Variants in E2F3 observed in about 807,000 individuals in gnomAD.
E2F3 encodes the protein transcription factor E2F3.
In E2F3, 11 loss-of-function variants were observed where a neutral mutation model predicts 44.4. The ratio of observed to expected loss-of-function variants is 0.25; its 90% confidence interval spans 0.16 to 0.41. The LOEUF (loss-of-function observed/expected upper bound fraction) is 0.41, where lower values mean the gene tolerates loss of function less well. Ranked by LOEUF, E2F3 falls within the 10% of genes least tolerant of loss-of-function variation. The pLI, the probability that E2F3 is intolerant of heterozygous loss-of-function variation, is 1.00. For missense variants in E2F3, 487 were observed against 583.6 expected (o/e 0.83, Z 1.70); for synonymous variants, 249 against 253.0 (o/e 0.98, Z 0.15).
intron 1 of E2F3, among the ~76,000 whole-genome samples, chr6:20,416,165 A>G (rs913455442): frequency 6.6e-6 from 1 of 152,154 alleles, no homozygotes; most frequent in Admixed American, 6.5e-5. Context: ...TGTCTTCCTC[A>G]TGTATATCAT....
At chr6:20,449,979 C>T (rs760240324) in intron 1 of E2F3, among the ~76,000 whole-genome samples, 3 of 152,066 alleles carry the variant, frequency 2.0e-5, no homozygotes, top group East Asian at 3.9e-4. Flanking sequence ...CATAGTATTC[C>T]GAGGTATATA....
At chr6:20,409,761 G>T (rs1209250604) in intron 1 of E2F3, among the ~76,000 whole-genome samples, 3 of 152,208 alleles carry the variant, frequency 2.0e-5, no homozygotes, top group Admixed American at 2.0e-4. Context: ...CTTAAAAATA[G>T]AATTGCTTCA....
intron 1 of E2F3, among the ~76,000 whole-genome samples, chr6:20,437,506 T>C (rs1264602167): frequency 6.6e-6 from 1 of 152,112 alleles, no homozygotes; most frequent in Admixed American, 6.6e-5. Flanking sequence ...AAATTTTTTT[T>C]CTAAAAATGT....
At chr6:20,441,936 T>C (rs1760789779) in intron 1 of E2F3, among the ~76,000 whole-genome samples, 2 of 151,918 alleles carry the variant, frequency 1.3e-5, no homozygotes, top group Admixed American at 6.6e-5. Context: ...ACAATCCTAC[T>C]AGCCATGCAC....
chr6:20,473,702 G>A (rs2127616209), intron 1 of E2F3, among the ~76,000 whole-genome samples: 1 of 152,278 alleles, frequency 6.6e-6, no homozygotes, highest in East Asian at 1.9e-4. Context: ...GCTCTTCTGT[G>A]TTGGCTCACT....
chr6:20,470,127 C>T (rs1160929986), intron 1 of E2F3, among the ~76,000 whole-genome samples: 6 of 152,182 alleles, frequency 3.9e-5, no homozygotes, highest in Non-Finnish European at 2.9e-5. Flanking sequence ...TCTGACTTCA[C>T]TCCCTTATCT....
At chr6:20,436,385 G>T (rs1407905649) in intron 1 of E2F3, among the ~76,000 whole-genome samples, 1 of 151,960 alleles carries the variant, frequency 6.6e-6, no homozygotes, top group African/African-American at 2.4e-5. Context: ...CCTGGGCCAC[G>T]TTGGAAGAAG....
intron 1 of E2F3, among the ~76,000 whole-genome samples, chr6:20,415,852 T>C (rs1051973904): frequency 2.0e-4 from 30 of 152,118 alleles, no homozygotes; most frequent in African/African-American, 5.3e-4. Context: ...CCTCTCTAAC[T>C]TGCAGAAGAA....
intron 1 of E2F3, among the ~76,000 whole-genome samples, chr6:20,419,535 T>TTATG (rs1235182996): frequency 3.7e-5 from 5 of 136,316 alleles, no homozygotes; most frequent in Non-Finnish European, 6.1e-5. Flanking sequence ...CTCCTTTTAT[T>TTATG]TATTTATTTA....
At position 20,490,347 on chromosome 6, in the gene E2F3, G is replaced by A. The variant is rs368121892; in HGVS notation, c.1315G>A (p.Gly439Arg). Residue 439 changes from glycine to arginine, a missense_variant, in exon 7 of 7, where the codon GGG (glycine) becomes AGG (arginine). Physicochemically the swap from Gly to Arg is moderately radical, Grantham distance 125. This residue lies in a region of E2F3 where 220 missense variants were observed against 261.7 expected (regional missense o/e 0.84). Transcript: ENST00000346618. This position sits in a 1 kb window ranked among gnomAD's most constrained non-coding sequence, Gnocchi z 4.3. ...GCAAGAGGACTATCTCCTGAGCCTC[G>A]GGGAGGAGGAAGGCATCAGCGATCT... ...LLQEDYLLSL[G>R]EEEGISDLFD... The A allele has an allele frequency of 2.4e-5, 38 of 1,613,294 alleles. No individual in the cohort carries two copies. The highest frequency in any genetic ancestry group is 2.7e-5 in the African/African-American group (2 of 74,864).
chr6:20,416,765 A>G (rs1759861154), intron 1 of E2F3, among the ~76,000 whole-genome samples: 1 of 152,156 alleles, frequency 6.6e-6, no homozygotes, highest in Non-Finnish European at 1.5e-5. Context: ...GCAATGTTAT[A>G]TGGTAACATC....
chr6:20,432,444 A>G (rs915127340), intron 1 of E2F3, among the ~76,000 whole-genome samples: 9 of 152,382 alleles, frequency 5.9e-5, no homozygotes, highest in South Asian at 2.1e-4. Context: ...AGACAAGCCC[A>G]TTAGATCTAT....
At chr6:20,432,133 G>A (rs554477371) in intron 1 of E2F3, among the ~76,000 whole-genome samples, 2 of 152,372 alleles carry the variant, frequency 1.3e-5, no homozygotes, top group South Asian at 4.1e-4. Flanking sequence ...ACGGGGACGT[G>A]GGGGTGGGCG....
chr6:20,414,224 C>T (rs374591145), intron 1 of E2F3, among the ~76,000 whole-genome samples: 46 of 152,306 alleles, frequency 3.0e-4, no homozygotes, highest in East Asian at 9.6e-4. Context: ...AATATGAAAA[C>T]GAGACAAATT....
At chr6:20,415,261 C>T (rs1257653470) in intron 1 of E2F3, among the ~76,000 whole-genome samples, 1 of 152,162 alleles carries the variant, frequency 6.6e-6, no homozygotes, top group African/African-American at 2.4e-5. Context: ...AAAGAAAGGG[C>T]AATGAAGACC....
intron 1 of E2F3, among the ~76,000 whole-genome samples, chr6:20,477,698 A>G (rs1762091902): frequency 6.6e-6 from 1 of 152,200 alleles, no homozygotes; most frequent in Non-Finnish European, 1.5e-5. Context: ...TGTAGAAGGC[A>G]TATGGGCATA....
chr6:20,414,457 T>G (rs547836364), intron 1 of E2F3, among the ~76,000 whole-genome samples: 1 of 152,028 alleles, frequency 6.6e-6, no homozygotes, highest in East Asian at 1.9e-4. Flanking sequence ...TTTCCTACAC[T>G]CTCTGATTTT....
chr6:20,417,809 A>T (rs1366904953), intron 1 of E2F3, among the ~76,000 whole-genome samples: 1 of 152,024 alleles, frequency 6.6e-6, no homozygotes, highest in African/African-American at 2.4e-5. Context: ...CATATGAAAG[A>T]TTACCAGGTT....
chr6:20,454,304 C>A (rs757821649), intron 1 of E2F3, among the ~76,000 whole-genome samples: 4 of 152,216 alleles, frequency 2.6e-5, no homozygotes, highest in Non-Finnish European at 5.9e-5. Flanking sequence ...TGTTTCTGAG[C>A]ATGCTCAAGA....
Sources: gnomAD v4.1 joint callset for allele counts (sites outside exome capture counted in the v4.1 genomes callset) on GRCh38, gnomAD v4.1.1 for gene constraint, gnomAD v4.1.1 regional missense constraint, Gnocchi (gnomAD v3.1) non-coding constraint, MANE v1.5 for transcripts, NCBI Gene and HGNC (gene_info 2026-07-23, HGNC 2026-07-21) for gene names.